The following DLG1 variants were observed in gnomAD, a reference collection of about 807,000 sequenced individuals.
DLG1 encodes the protein disks large homolog 1.
In DLG1, 42 loss-of-function variants were observed where a neutral mutation model predicts 123.4. That is an observed-to-expected ratio of 0.34 (90% CI 0.27 to 0.44). The LOEUF (loss-of-function observed/expected upper bound fraction) is 0.44, where lower values mean the gene tolerates loss of function less well. DLG1 is among the 20% of genes least tolerant of loss of function. The pLI, the probability that DLG1 is intolerant of heterozygous loss-of-function variation, is 1.00. For missense variants in DLG1, 942 were observed against 1,082.6 expected, an observed-to-expected ratio of 0.87 and a Z score of 1.82; for synonymous variants, 317 against 356.2, an observed-to-expected ratio of 0.89 and a Z score of 1.24.
rs917202309 is a variant in DLG1, at chr3:197,147,432, G to A, written c.537+2311C>T. Among the ~76,000 whole-genome samples the A allele has an allele frequency of 8.2e-5, 12 of 147,088 alleles. 1 individual carries two copies. In the South Asian group the frequency reaches 8.8e-4, roughly 11 times the overall value. On this transcript the variant is annotated intron_variant, in intron 6 of 24. Transcript: ENST00000667157. Reference sequence around the variant, plus strand: ...TGAGTGGATAAAAAATATATGGTGTGCACACACACACACACACACACACAC... The same window carrying A: ...TGAGTGGATAAAAAATATATGGTGTACACACACACACACACACACACACAC...
intron 4 of DLG1, among the ~76,000 whole-genome samples, chr3:197,206,519 G>C (rs1728595357): frequency 6.6e-6 from 1 of 152,000 alleles, no homozygotes; most frequent in South Asian, 2.1e-4. Context: ...AGGCTGGTCT[G>C]GAACTCCTGA....
intron 19 of DLG1, 57 bp downstream of exon 19, chr3:197,069,162 C>G (rs1435886677): frequency 8.2e-7 from 1 of 1,218,760 alleles, no homozygotes; most frequent in East Asian, 2.6e-5. Flanking sequence ...TCCCTCCACC[C>G]CTGCAGAGGA....
In DLG1 at chr3:197,043,768, C is replaced by T. The variant is rs1721375804; in HGVS notation, c.*855G>A. 6.6e-6 allele frequency: 1 copy of T among 151,968 alleles called. No homozygotes were observed. The highest frequency in any genetic ancestry group is 2.4e-5 in the African/African-American group (1 of 41,386). 9.4% of individuals were successfully genotyped at this position (151,968 alleles called of 1,614,324 possible). On this transcript the variant is annotated 3_prime_UTR_variant, in exon 25 of 25. Transcript: ENST00000667157. ...GAAGTTTTAGGCTATGAATTGGACT[C>T]CTTTCCATTGCCATGATGGTTACTA...
At chr3:197,151,623 G>C (rs1406676763) in intron 5 of DLG1, among the ~76,000 whole-genome samples, 2 of 152,132 alleles carry the variant, frequency 1.3e-5, no homozygotes, top group Non-Finnish European at 2.9e-5. Context: ...TTCTACATTT[G>C]AATATTTCTG....
chr3:197,291,812 A>C (rs1434066835), intron 3 of DLG1, among the ~76,000 whole-genome samples: 1 of 152,244 alleles, frequency 6.6e-6, no homozygotes, highest in Non-Finnish European at 1.5e-5. Context: ...GTGAATGTAC[A>C]CCTCACAGGA....
At chr3:197,194,183 T>C (rs983622670) in intron 5 of DLG1, among the ~76,000 whole-genome samples, 1 of 152,170 alleles carries the variant, frequency 6.6e-6, no homozygotes, top group Admixed American at 6.5e-5. Context: ...GTTATTTCCA[T>C]CGTGGGAATT....
At chr3:197,119,875 A>AG (rs1775343620) in intron 11 of DLG1, among the ~76,000 whole-genome samples, 1 of 152,156 alleles carries the variant, frequency 6.6e-6, no homozygotes, top group South Asian at 2.1e-4. Flanking sequence ...TCCTTATACT[A>AG]GCTCAGATCT....
At chr3:197,114,509 T>C (rs1553925461) in intron 13 of DLG1, among the ~76,000 whole-genome samples, 2 of 152,200 alleles carry the variant, frequency 1.3e-5, no homozygotes, top group Non-Finnish European at 2.9e-5. Context: ...TAAAGTGAAA[T>C]AAAATAAAGA....
At chr3:197,282,970 A>G (rs895940779) in intron 3 of DLG1, 125 bp from the exon 4 acceptor site, 7 of 547,300 alleles carry the variant, frequency 1.3e-5, no homozygotes, top group Non-Finnish European at 2.2e-5. Context: ...CCCATCGTAT[A>G]ATGTACTTAA....
intron 11 of DLG1, 63 bp from the exon 12 acceptor site, chr3:197,119,593 A>C (rs1215214146): frequency 1.4e-6 from 2 of 1,444,934 alleles, no homozygotes; most frequent in Non-Finnish European, 1.9e-6. Flanking sequence ...TATTCCATTT[A>C]TGAGTGATTA....
At chr3:197,069,875 T>C (rs62409325) in intron 18 of DLG1, 46,258 of 152,012 alleles carry the variant, frequency 0.3, 7,837 homozygotes, top group African/African-American at 0.43. Flanking sequence ...AAGTCATAAA[T>C]TCAGATGTCT....
chr3:197,242,056 C>T (rs74348445), intron 4 of DLG1, among the ~76,000 whole-genome samples: 3,634 of 152,044 alleles, frequency 0.024, 65 homozygotes, highest in Middle Eastern at 0.041. Flanking sequence ...TACAAGAAAC[C>T]CACTTCACCT....
intron 5 of DLG1, among the ~76,000 whole-genome samples, chr3:197,158,878 T>C (rs1797618260): frequency 6.6e-6 from 1 of 152,126 alleles, no homozygotes; most frequent in African/African-American, 2.4e-5. Flanking sequence ...AATACTTTAA[T>C]TACATGATAG....
At chr3:197,155,870 G>A (rs1230026418) in intron 5 of DLG1, among the ~76,000 whole-genome samples, 1 of 152,106 alleles carries the variant, frequency 6.6e-6, no homozygotes, top group Non-Finnish European at 1.5e-5. Flanking sequence ...AATCGATTGG[G>A]CCCAAGAGGT....
At chr3:197,106,268 T>C (rs1766290687) in intron 13 of DLG1, among the ~76,000 whole-genome samples, 1 of 152,046 alleles carries the variant, frequency 6.6e-6, no homozygotes, top group Admixed American at 6.5e-5. Context: ...TAGCCGGGCA[T>C]GGTGGTGTGT....
chr3:197,173,736 C>T (rs982604945), intron 5 of DLG1, among the ~76,000 whole-genome samples: 1 of 152,202 alleles, frequency 6.6e-6, no homozygotes, highest in Non-Finnish European at 1.5e-5. Context: ...TTGCAACTAT[C>T]CAACACTGCT....
intron 4 of DLG1, among the ~76,000 whole-genome samples, chr3:197,226,601 G>GCAA (rs1186039958): frequency 6.6e-6 from 1 of 152,008 alleles, no homozygotes. Context: ...AACAATTCAA[G>GCAA]CAACAACAAC....
rs758272031 is a variant in DLG1, at chr3:197,051,628, T to C, written c.2524A>G (p.Thr842Ala). 3 of 1,613,918 alleles carry C rather than the reference T, an allele frequency of 1.9e-6. No homozygotes were observed. The highest frequency in any genetic ancestry group is 2.2e-5 in the South Asian group (2 of 91,078). Reference sequence around the variant, plus strand: ...TCCAGTTTCATGGCTCTCTCAAATGTTTTTCTGGCTTGTTCTTCTGTTAGA... The same window carrying C: ...TCCAGTTTCATGGCTCTCTCAAATGCTTTTCTGGCTTGTTCTTCTGTTAGA... ...KRLTEEQARKTFERAMKLEQE... is the reference protein window; with the variant it reads ...KRLTEEQARKAFERAMKLEQE... Residue 842 changes from threonine to alanine, a missense_variant, in exon 24 of 25, where the codon ACA becomes GCA. Transcript: ENST00000667157.
intron 13 of DLG1, among the ~76,000 whole-genome samples, chr3:197,114,089 C>G (rs1047274904): frequency 6.6e-6 from 1 of 152,078 alleles, no homozygotes; most frequent in African/African-American, 2.4e-5. Context: ...GGTTAACAGA[C>G]ATGAAAAACA....
Sources: allele counts gnomAD v4.1 joint callset (sites outside exome capture counted in the v4.1 genomes callset), GRCh38; gene constraint gnomAD v4.1.1; transcripts MANE v1.5; gene names NCBI Gene and HGNC (gene_info 2026-07-23, HGNC 2026-07-21).